The following BCKDHB variants were observed in gnomAD, a reference collection of about 807,000 sequenced individuals.
BCKDHB encodes the protein branched chain keto acid dehydrogenase E1 subunit beta.
Under a neutral mutation model 48.5 loss-of-function variants are expected in BCKDHB, and 41 were observed. The ratio of observed to expected loss-of-function variants is 0.85; its 90% CI spans 0.66 to 1.10. The LOEUF (loss-of-function observed/expected upper bound fraction) is 1.10. Among genes scored for constraint, BCKDHB ranks in the 50% least tolerant of loss-of-function variants. The pLI is 0.00. For synonymous variants in BCKDHB, 201 were observed against 174.8 expected, an observed-to-expected ratio of 1.15 and a Z score of -1.18; for missense variants, 496 against 494.2, an observed-to-expected ratio of 1.00 and a Z score of -0.03.
At chr6:80,214,840 CTTCTT>C (rs1775096870) in intron 8 of BCKDHB, among the ~76,000 whole-genome samples, 1 of 150,980 alleles carries the variant, frequency 6.6e-6, no homozygotes, top group African/African-American at 2.4e-5. Flanking sequence ...TATTTTCTCT[CTTCTT>C]TTTCTCTAAA....
chr6:80,354,559 T>G, the BCKDHB span, among the ~76,000 whole-genome samples: 1 of 152,202 alleles, frequency 6.6e-6, no homozygotes, highest in South Asian at 2.1e-4. Context: ...CTTACACTTT[T>G]GAGGTCTTAG....
chr6:80,269,912 T>C (rs1237719792), intron 8 of BCKDHB, among the ~76,000 whole-genome samples: 3 of 152,090 alleles, frequency 2.0e-5, no homozygotes, highest in African/African-American at 7.2e-5. Context: ...TTCTTGACAG[T>C]TACATATTAT....
chr6:80,190,598 T>C lies in BCKDHB; in HGVS notation c.743-10336T>C, dbSNP rs115076075. On this transcript the variant is annotated intron_variant, in intron 6 of 9. Coordinates refer to ENST00000320393, the MANE Select transcript of BCKDHB (RefSeq NM_183050.4). Reference sequence around the variant, plus strand: ...AAGGTGCTTAAACGTGCCTAATATGTTGAAAGGGCTCACTAAATATTAGCT... The same window carrying C: ...AAGGTGCTTAAACGTGCCTAATATGCTGAAAGGGCTCACTAAATATTAGCT... Among the ~76,000 whole-genome samples the C allele has an allele frequency of 3.9e-3, 587 of 152,310 alleles. 5 individuals are homozygous for C. The highest frequency in any genetic ancestry group is 0.013 in the African/African-American group (556 of 41,558).
chr6:80,419,999 T>G, the BCKDHB span, among the ~76,000 whole-genome samples: 47 of 152,342 alleles, frequency 3.1e-4, no homozygotes, highest in African/African-American at 1.1e-3. Flanking sequence ...TGGTTCTTTT[T>G]TATAGCTTCT....
the BCKDHB span, among the ~76,000 whole-genome samples, chr6:80,418,158 G>A: frequency 6.6e-6 from 1 of 152,058 alleles, no homozygotes; most frequent in Non-Finnish European, 1.5e-5. Context: ...TGAAATTCTT[G>A]TATTGTGTTT....
the BCKDHB span, among the ~76,000 whole-genome samples, chr6:80,394,452 T>C: frequency 6.6e-6 from 1 of 152,060 alleles, no homozygotes; most frequent in Non-Finnish European, 1.5e-5. Flanking sequence ...TTTTTTTTTG[T>C]TTGTTTCAAG....
chr6:80,223,586 A>T (rs922971122), intron 8 of BCKDHB, among the ~76,000 whole-genome samples: 2 of 152,162 alleles, frequency 1.3e-5, no homozygotes, highest in African/African-American at 4.8e-5. Context: ...TTAGTATACC[A>T]TTAATTCTGA....
intron 8 of BCKDHB, among the ~76,000 whole-genome samples, chr6:80,241,896 A>T (rs1002315649): frequency 1.3e-5 from 2 of 151,990 alleles, no homozygotes; most frequent in African/African-American, 4.8e-5. Flanking sequence ...CCACTTTTCT[A>T]TTGGGGGAAA....
chr6:80,161,137 T>C (rs975004758), intron 3 of BCKDHB, among the ~76,000 whole-genome samples: 5 of 152,190 alleles, frequency 3.3e-5, no homozygotes, highest in African/African-American at 1.2e-4. Context: ...TTGATTGATA[T>C]AGATTCCTTC....
chr6:80,209,619 G>C (rs1442524853), intron 8 of BCKDHB, among the ~76,000 whole-genome samples: 1 of 151,930 alleles, frequency 6.6e-6, no homozygotes, highest in Non-Finnish European at 1.5e-5. Flanking sequence ...TGATTCATTT[G>C]GGTACTATGA....
the BCKDHB span, among the ~76,000 whole-genome samples, chr6:80,410,295 C>T: frequency 3.9e-5 from 6 of 152,116 alleles, no homozygotes; most frequent in Admixed American, 6.6e-5. Flanking sequence ...TCTTGCTTAT[C>T]GGGTTTCTGC....
chr6:80,215,264 A>T (rs1421220431), intron 8 of BCKDHB, among the ~76,000 whole-genome samples: 1 of 152,334 alleles, frequency 6.6e-6, no homozygotes, highest in South Asian at 2.1e-4. Context: ...CCAAAACAGG[A>T]TGGCTGACAA....
At chr6:80,174,437 T>G (rs1773056823) in intron 6 of BCKDHB, among the ~76,000 whole-genome samples, 2 of 152,104 alleles carry the variant, frequency 1.3e-5, no homozygotes, top group African/African-American at 2.4e-5. Flanking sequence ...CAGAGCATAC[T>G]CAAGTCCCAT....
chr6:80,211,083 G>A (rs964311819), intron 8 of BCKDHB, among the ~76,000 whole-genome samples: 8 of 152,084 alleles, frequency 5.3e-5, no homozygotes, highest in Admixed American at 3.9e-4. Flanking sequence ...AAGAAACTCA[G>A]ATTCTCAAGC....
the BCKDHB span, among the ~76,000 whole-genome samples, chr6:80,397,170 G>A: frequency 6.6e-6 from 1 of 152,236 alleles, no homozygotes; most frequent in South Asian, 2.1e-4. Context: ...AGAATTCAGT[G>A]GGAAATATAC....
the BCKDHB span, among the ~76,000 whole-genome samples, chr6:80,359,327 G>A: frequency 3.3e-5 from 5 of 151,998 alleles, no homozygotes; most frequent in East Asian, 3.9e-4. Flanking sequence ...TGTGTGCCAC[G>A]CCAAAAACCT....
At chr6:80,219,386 T>C (rs934551839) in intron 8 of BCKDHB, among the ~76,000 whole-genome samples, 2 of 152,148 alleles carry the variant, frequency 1.3e-5, no homozygotes, top group Admixed American at 1.3e-4. Flanking sequence ...TTGTATTTTT[T>C]AGTAGAGACG....
At chr6:80,341,544 A>G (rs530155583) in intron 9 of BCKDHB, among the ~76,000 whole-genome samples, 2 of 152,260 alleles carry the variant, frequency 1.3e-5, no homozygotes, top group South Asian at 2.1e-4. Context: ...TGATGCTTGC[A>G]TTCTTGAGGA....
rs921657940 is a variant in BCKDHB, at chr6:80,324,624, C to T, written c.1039-19040C>T. ...CAGCAATTTAGGAACCAGGGATGAA[C>T]ATGCATTTGGCAAAACTTCCTAATT... On this transcript the variant is annotated intron_variant, in intron 9 of 9. Transcript: ENST00000320393. Among the ~76,000 whole-genome samples the T allele has an allele frequency of 2.6e-5, 4 of 152,168 alleles. No individual in the cohort carries two copies. The East Asian group carries it at 7.7e-4, about 29-fold the overall frequency.
Sources: allele counts gnomAD v4.1 joint callset (sites outside exome capture counted in the v4.1 genomes callset), GRCh38; gene constraint gnomAD v4.1.1; transcripts MANE v1.5; gene names NCBI Gene and HGNC (gene_info 2026-07-23, HGNC 2026-07-21).